The following DGKE variants were observed in gnomAD, a reference collection of about 807,000 sequenced individuals.
The protein encoded by DGKE is diacylglycerol kinase epsilon, also known as DAG kinase epsilon.
DGKE carries 53 observed loss-of-function variants against 70.0 expected under a neutral mutation model. That is an observed-to-expected ratio of 0.76 (90% CI 0.61 to 0.95). DGKE has a LOEUF of 0.95. DGKE is among the 40% of genes least tolerant of loss of function. The pLI, the probability that DGKE is intolerant of heterozygous loss-of-function variation, is 0.00. For synonymous variants in DGKE, 291 were observed against 257.0 expected (o/e 1.13, Z -1.27); for missense variants, 655 against 706.9 (o/e 0.93, Z 0.83).
At chr17:56,850,850 A>T (rs944199290) in intron 7 of DGKE, among the ~76,000 whole-genome samples, 1 of 152,230 alleles carries the variant, frequency 6.6e-6, no homozygotes, top group Non-Finnish European at 1.5e-5. Flanking sequence ...AGGCTTAGGA[A>T]TTCTATGCTT....
chr17:56,865,768 G>C lies in DGKE; in HGVS notation c.*2977G>C, dbSNP rs1452664135. On this transcript the variant is annotated 3_prime_UTR_variant, in exon 12 of 12. Transcript: ENST00000284061. ...TGCGTTGTAAAAATGAATACTACCAGCATGTCAAAAGAAAAATAATTTACA... is the reference window on the plus strand; with the variant it reads ...TGCGTTGTAAAAATGAATACTACCACCATGTCAAAAGAAAAATAATTTACA... 1 of 151,900 alleles carries C rather than the reference G, an allele frequency of 6.6e-6. No homozygotes were observed. The highest frequency in any genetic ancestry group is 2.4e-5 in the African/African-American group (1 of 41,358). The allele number at this position is 151,900 out of a possible 1,614,324, so 9.4% of individuals were successfully genotyped here. A position where few individuals can be genotyped will look rare whatever the true frequency, so the allele number is the denominator to read the frequency against.
chr17:56,859,162 C>CA (rs138393124), intron 9 of DGKE, among the ~76,000 whole-genome samples: 3,617 of 140,924 alleles, frequency 0.026, 49 homozygotes, highest in African/African-American at 0.03. Context: ...TGTATAAATA[C>CA]AAAAAAAAAA....
At chr17:56,840,789 GA>G (rs960064537) in intron 2 of DGKE, among the ~76,000 whole-genome samples, 21 of 152,280 alleles carry the variant, frequency 1.4e-4, no homozygotes, top group African/African-American at 2.9e-4. Context: ...ACTGAACTGG[GA>G]GGGGGGGGAA....
Position 56,864,789 on chromosome 17 carries a change from G to C in DGKE, c.*1998G>C, listed in dbSNP as rs967687797. 6.6e-6 allele frequency: 1 copy of C among 151,950 alleles called. No homozygotes were observed. The highest frequency in any genetic ancestry group is 2.4e-5 in the African/African-American group (1 of 41,374). The allele number at this position is 151,950 out of a possible 1,614,324, so 9.4% of individuals were successfully genotyped here. A position where few individuals can be genotyped will look rare whatever the true frequency, so the allele number is the denominator to read the frequency against. On this transcript the variant is annotated 3_prime_UTR_variant, in exon 12 of 12. Transcript: ENST00000284061. The stretch of plus-strand genomic sequence containing the variant: ...GCAAATCAATTTAGGATGTTGGAAC[G>C]AAAATAATCACAATAACTAATACAG...
Position 56,847,938 on chromosome 17 carries a change from A to G in DGKE, c.761A>G (p.Lys254Arg). 1.3e-6 allele frequency: 2 copies of G among 1,564,774 alleles called. No homozygotes were observed. The highest frequency in any genetic ancestry group is 1.2e-5 in the South Asian group (1 of 81,636). Residue 254 changes from lysine (K) to arginine (R), a missense_variant, in exon 5 of 12, where the codon AAA becomes AGA. Coordinates refer to ENST00000284061, the MANE Select transcript of DGKE (RefSeq NM_003647.3). ...TGTTTCTAGGTTTTTGATGTAACTA[A>G]AACTCCTCCTATCAAAGCCCTACAA... ...LNPVQVFDVTKTPPIKALQLC... is the reference protein window; with the variant it reads ...LNPVQVFDVTRTPPIKALQLC...
rs1218533412 is a variant in DGKE, at chr17:56,835,086, C to A, written c.291C>A (p.Gly97=). ...GCTGCGGGCTCCGCGTGGACGAGGG[C>A]TGCCTCAGGAAGGCCGACAAGCGCT... ...CDCCGLRVDE[G]CLRKADKRFQ... The change falls in exon 2 of 12, where the codon GGC becomes GGA. Residue 97 remains glycine, a synonymous_variant. Transcript: ENST00000284061. 5 of 1,613,522 alleles carry A rather than the reference C, an allele frequency of 3.1e-6. No homozygotes were observed. In the East Asian group the frequency reaches 1.1e-4, roughly 36 times the overall value.
intron 9 of DGKE, among the ~76,000 whole-genome samples, chr17:56,859,511 C>G (rs1908163257): frequency 6.6e-6 from 1 of 151,124 alleles, no homozygotes; most frequent in African/African-American, 2.4e-5. Flanking sequence ...GCTCTGTCTC[C>G]CTGGTTCACA....
intron 1 of DGKE, 56 bp from the exon 2 acceptor site, chr17:56,834,722 G>A (rs1292286675): frequency 3.4e-6 from 5 of 1,479,194 alleles, no homozygotes; most frequent in African/African-American, 1.4e-5. Flanking sequence ...AGGCAGGAAG[G>A]GGGCGGGGAA....
intron 6 of DGKE, 55 bp from the exon 7 acceptor site, chr17:56,849,126 C>G: frequency 4.0e-6 from 6 of 1,515,980 alleles, no homozygotes; most frequent in Non-Finnish European, 5.4e-6. Context: ...TCCAAACATC[C>G]AGAGTATGGG....
intron 7 of DGKE, among the ~76,000 whole-genome samples, chr17:56,849,516 T>TGA (rs1907522408): frequency 1.3e-5 from 2 of 151,870 alleles, no homozygotes; most frequent in African/African-American, 2.4e-5. Context: ...GGAAAAGAGG[T>TGA]GAGAGAGTGC....
At chr17:56,837,312 C>G (rs938232712) in intron 2 of DGKE, among the ~76,000 whole-genome samples, 3 of 152,030 alleles carry the variant, frequency 2.0e-5, no homozygotes, top group African/African-American at 7.2e-5. Context: ...CCCTACAGGT[C>G]CTTCTAAAGA....
chr17:56,843,205 C>G (rs1250622292), intron 2 of DGKE, among the ~76,000 whole-genome samples: 2 of 151,986 alleles, frequency 1.3e-5, no homozygotes, highest in Admixed American at 1.3e-4. Context: ...TGATATTTAC[C>G]ATGTCATAAA....
rs576356045 is a variant in DGKE, at chr17:56,864,306, T to C, written c.*1515T>C. 2 of 152,318 alleles carry C rather than the reference T, an allele frequency of 1.3e-5. No individual in the cohort carries two copies. The highest frequency in any genetic ancestry group is 4.8e-5 in the African/African-American group (2 of 41,584). 9.4% of individuals were successfully genotyped at this position (152,318 alleles called of 1,614,324 possible). On this transcript the variant is annotated 3_prime_UTR_variant, in exon 12 of 12. Coordinates refer to ENST00000284061, the MANE Select transcript of DGKE (RefSeq NM_003647.3). ...TCAGAATGTATCCCCCAAAATACCA[T>C]TAGCTATCTTTGAGGGTCTATTATG...
chr17:56,859,573 C>T (rs1002490629), intron 9 of DGKE, among the ~76,000 whole-genome samples: 2 of 151,752 alleles, frequency 1.3e-5, no homozygotes, highest in Non-Finnish European at 1.5e-5. Flanking sequence ...GCGCCCACCA[C>T]TACGCCCGGC....
At chr17:56,845,109 A>G (rs957020341) in intron 3 of DGKE, among the ~76,000 whole-genome samples, 2 of 152,210 alleles carry the variant, frequency 1.3e-5, no homozygotes, top group African/African-American at 4.8e-5. Flanking sequence ...GAATAACTTC[A>G]TTAATGGTTA....
chr17:56,848,121 T>TAC (rs1907418583), intron 5 of DGKE, 56 bp downstream of exon 5: 7 of 783,706 alleles, frequency 8.9e-6, no homozygotes, highest in African/African-American at 1.9e-5. Flanking sequence ...ATACTATACA[T>TAC]ATATATATAT....
Position 56,845,792 on chromosome 17 carries a change from T to G in DGKE, c.727T>G (p.Leu243Val). Residue 243 changes from leucine to valine, a missense_variant, in exon 4 of 12, where the codon TTG (leucine) becomes GTG (valine). By Grantham distance (32) the Leu-to-Val change is conservative (BLOSUM62 1). Coordinates refer to ENST00000284061, the MANE Select transcript of DGKE (RefSeq NM_003647.3). ...GEGLLGEFRILLNPVQVFDVT... is the reference protein window; with the variant it reads ...GEGLLGEFRIVLNPVQVFDVT... ...AGGACTGTTGGGAGAATTTAGGATC[T>G]TGTTGAATCCAGTCCAGGTAACTAA... is the stretch of plus-strand genomic sequence containing the variant. 1 of 1,607,146 alleles carries G rather than the reference T, an allele frequency of 6.2e-7. No individual in the cohort carries two copies. Among genetic ancestry groups the G allele is most frequent in the East Asian group, 2.2e-5 (1 of 44,564 alleles).
chr17:56,841,251 C>CA (rs10676152), intron 2 of DGKE, among the ~76,000 whole-genome samples: 21,223 of 135,138 alleles, frequency 0.16, 1,766 homozygotes, highest in African/African-American at 0.19. Context: ...TACTCTGTCT[C>CA]AAAAAAAAAA....
In DGKE at chr17:56,856,506, T is replaced by A. The variant is rs766845272; in HGVS notation, c.1099-6T>A. ...GTCTGTTGCTTATTCTTACCCTTTCTCACAGGAATTCACAATGAACAACTA... is the reference window on the plus strand; with the variant it reads ...GTCTGTTGCTTATTCTTACCCTTTCACACAGGAATTCACAATGAACAACTA... On this transcript the variant is annotated splice_polypyrimidine_tract_variant and splice_region_variant and intron_variant, in intron 7 of 11. Coordinates refer to ENST00000284061, the MANE Select transcript of DGKE (RefSeq NM_003647.3). 3 of 1,611,734 alleles carry A rather than the reference T, an allele frequency of 1.9e-6. No homozygotes were observed. Among genetic ancestry groups the A allele is most frequent in the Non-Finnish European group, 2.5e-6 (3 of 1,179,064 alleles).
Sources: allele counts gnomAD v4.1 joint callset (sites outside exome capture counted in the v4.1 genomes callset), GRCh38; gene constraint gnomAD v4.1.1; transcripts MANE v1.5; gene names NCBI Gene and HGNC (gene_info 2026-07-23, HGNC 2026-07-21).